The following NIBAN1 variants were observed in gnomAD, a reference collection of about 807,000 sequenced individuals.
NIBAN1 encodes the protein niban apoptosis regulator 1.
NIBAN1 carries 81 observed loss-of-function variants against 75.1 expected under a neutral mutation model. The ratio of observed to expected loss-of-function variants is 1.08; its 90% confidence interval spans 0.90 to 1.30. NIBAN1 has a LOEUF of 1.30. Among genes scored for constraint, NIBAN1 ranks in the 50% most tolerant of loss-of-function variants. The pLI, the probability that NIBAN1 is intolerant of heterozygous loss-of-function variation, is 0.00. For missense variants in NIBAN1, 1,133 were observed against 1,128.1 expected, an observed-to-expected ratio of 1.00 and a Z score of -0.06; for synonymous variants, 436 against 424.8, an observed-to-expected ratio of 1.03 and a Z score of -0.32.
intron 12 of NIBAN1, among the ~76,000 whole-genome samples, chr1:184,800,586 C>T (rs946090360): frequency 6.6e-6 from 1 of 151,478 alleles, no homozygotes; most frequent in Non-Finnish European, 1.5e-5. Flanking sequence ...CTACATATGG[C>T]TAGCCAGTTT....
chr1:184,826,648 A>C (rs1301898310), intron 6 of NIBAN1, among the ~76,000 whole-genome samples: 1 of 152,242 alleles, frequency 6.6e-6, no homozygotes, highest in Non-Finnish European at 1.5e-5. Flanking sequence ...GACTGGTCAG[A>C]ATTTTAGCAT....
At chr1:184,970,470 T>C (rs1038466025) in intron 1 of NIBAN1, among the ~76,000 whole-genome samples, 1 of 152,204 alleles carries the variant, frequency 6.6e-6, no homozygotes, top group Non-Finnish European at 1.5e-5. Context: ...CCATGGAGAC[T>C]TCATTCTAGA....
At chr1:184,968,912 C>A (rs563442953) in intron 1 of NIBAN1, among the ~76,000 whole-genome samples, 1 of 152,290 alleles carries the variant, frequency 6.6e-6, no homozygotes, top group African/African-American at 2.4e-5. Context: ...TTACTCTGCC[C>A]TACATGTGCT....
intron 5 of NIBAN1, among the ~76,000 whole-genome samples, chr1:184,875,736 C>A (rs191283945): frequency 1.4e-4 from 21 of 152,274 alleles, no homozygotes; most frequent in African/African-American, 5.1e-4. Flanking sequence ...ATGAGCTAAG[C>A]ATCTACCTGG....
At chr1:184,820,432 C>T (rs919368341) in intron 8 of NIBAN1, among the ~76,000 whole-genome samples, 1 of 152,178 alleles carries the variant, frequency 6.6e-6, no homozygotes, top group Non-Finnish European at 1.5e-5. Context: ...CTTTACCTTG[C>T]CTTCCTTCCT....
chr1:184,876,216 C>G (rs1455277599), intron 5 of NIBAN1, among the ~76,000 whole-genome samples: 1 of 150,256 alleles, frequency 6.7e-6, no homozygotes, highest in African/African-American at 2.4e-5. Context: ...TAAAATTCAT[C>G]AAGGAAACAA....
At chr1:184,912,543 C>G (rs1657269476) in intron 1 of NIBAN1, among the ~76,000 whole-genome samples, 1 of 152,138 alleles carries the variant, frequency 6.6e-6, no homozygotes, top group African/African-American at 2.4e-5. Context: ...CCTGTTTCAA[C>G]AGGTGAAAAA....
At chr1:184,824,497 C>T (rs1654791785) in intron 6 of NIBAN1, among the ~76,000 whole-genome samples, 1 of 151,888 alleles carries the variant, frequency 6.6e-6, no homozygotes, top group Non-Finnish European at 1.5e-5. Context: ...AAGGCCCCTG[C>T]TAAGAAGGAA....
In NIBAN1 at chr1:184,831,841, T is replaced by C; in HGVS notation, c.717+6A>G. 1.2e-6 allele frequency: 2 copies of C among 1,610,190 alleles called. No homozygotes were observed. The highest frequency in any genetic ancestry group is 1.1e-5 in the South Asian group (1 of 90,976). ...AGAGAATCCAAAATTTTGAACCCCA[T>C]ATTACCTGGATTTCATCCCCAGTGA... On this transcript the variant is annotated splice_donor_region_variant and intron_variant, in intron 6 of 13. Coordinates refer to ENST00000367511, the MANE Select transcript of NIBAN1 (RefSeq NM_052966.4).
chr1:184,889,115 C>T (rs1033526636), intron 4 of NIBAN1, among the ~76,000 whole-genome samples: 9 of 152,162 alleles, frequency 5.9e-5, no homozygotes, highest in Non-Finnish European at 1.3e-4. Flanking sequence ...TTATGCAAAG[C>T]CAAATGGAGT....
intron 5 of NIBAN1, among the ~76,000 whole-genome samples, chr1:184,873,964 G>A (rs1656172941): frequency 6.6e-6 from 1 of 152,034 alleles, no homozygotes; most frequent in South Asian, 2.1e-4. Flanking sequence ...GTTAAAAATT[G>A]AAAAATGTAA....
At chr1:184,888,783 T>C (rs1182970704) in intron 4 of NIBAN1, among the ~76,000 whole-genome samples, 1 of 152,204 alleles carries the variant, frequency 6.6e-6, no homozygotes, top group Non-Finnish European at 1.5e-5. Flanking sequence ...TGAGTCAACA[T>C]GTTGGTATTC....
intron 6 of NIBAN1, among the ~76,000 whole-genome samples, chr1:184,825,033 T>C (rs1654807084): frequency 6.6e-6 from 1 of 152,234 alleles, no homozygotes; most frequent in Non-Finnish European, 1.5e-5. Context: ...TGTTGGGACC[T>C]GACACCTAAA....
chr1:184,873,600 C>T (rs1656164335), intron 5 of NIBAN1, among the ~76,000 whole-genome samples: 1 of 152,120 alleles, frequency 6.6e-6, no homozygotes, highest in African/African-American at 2.4e-5. Context: ...ACTAGATTGC[C>T]CAGAGTTCCC....
At chr1:184,951,514 C>A (rs774801309) in intron 1 of NIBAN1, among the ~76,000 whole-genome samples, 11 of 152,104 alleles carry the variant, frequency 7.2e-5, no homozygotes, top group Non-Finnish European at 1.3e-4. Context: ...ATCCTTGAAG[C>A]CACTTTTTTT....
chr1:184,832,019 G>T, intron 5 of NIBAN1, 57 bp from the exon 6 acceptor site: 1 of 1,258,814 alleles, frequency 7.9e-7, no homozygotes, highest in Non-Finnish European at 1.2e-6. Context: ...TTTCCCCATA[G>T]CTCTTCAAGT....
intron 2 of NIBAN1, among the ~76,000 whole-genome samples, chr1:184,896,084 G>A (rs1033699491): frequency 4.6e-5 from 7 of 152,112 alleles, no homozygotes; most frequent in Admixed American, 2.6e-4. Context: ...CCCAGTAGTA[G>A]GATTGCTGAG....
At position 184,818,729 on chromosome 1, in the gene NIBAN1, C is replaced by A; in HGVS notation, c.1082G>T (p.Gly361Val). The change falls in exon 9 of 14, where the codon GGA (glycine) becomes GTA (valine). Residue 361 changes from glycine to valine, a missense_variant. Physicochemically the swap from Gly to Val is moderately radical, Grantham distance 109. Coordinates refer to ENST00000367511, the MANE Select transcript of NIBAN1 (RefSeq NM_052966.4). ...LEELMGPVSSGFSEVRVLFEK... is the reference protein window; with the variant it reads ...LEELMGPVSSVFSEVRVLFEK... ...AAAGAGTACACGTACTTCACTGAAT[C>A]CCGAGCTCACTGGTCCCATGAGCTC... 6.2e-7 allele frequency: 1 copy of A among 1,613,670 alleles called. No individual in the cohort carries two copies. The highest frequency in any genetic ancestry group is 1.1e-5 in the South Asian group (1 of 91,052).
rs541740807 is a variant in NIBAN1, at chr1:184,845,673, C to T, written c.602-13711G>A. On this transcript the variant is annotated intron_variant, in intron 5 of 13. Coordinates refer to ENST00000367511, the MANE Select transcript of NIBAN1 (RefSeq NM_052966.4). ...GGTCTACAGATCCCAGCGTAAGCGACGCAGAAGACGGGTGATTTCTGCATT... is the reference window on the plus strand; with the variant it reads ...GGTCTACAGATCCCAGCGTAAGCGATGCAGAAGACGGGTGATTTCTGCATT... Among the ~76,000 whole-genome samples the T allele has an allele frequency of 4.8e-4, 15 of 31,218 alleles. 6 individuals carry two copies. The highest frequency in any genetic ancestry group is 7.3e-4 in the Non-Finnish European group (11 of 15,132). The allele number at this position is 31,218 out of a possible 152,430, so 20.5% of individuals were successfully genotyped here. A position where few individuals can be genotyped will look rare whatever the true frequency, so the allele number is the denominator to read the frequency against.
Sources: gnomAD v4.1 joint callset for allele counts (sites outside exome capture counted in the v4.1 genomes callset) on GRCh38, gnomAD v4.1.1 for gene constraint, MANE v1.5 for transcripts, NCBI Gene and HGNC (gene_info 2026-07-23, HGNC 2026-07-21) for gene names.